OPCML: variants seen among roughly 807,000 people sequenced by gnomAD.
OPCML encodes the protein opioid-binding protein/cell adhesion molecule.
OPCML carries 13 observed loss-of-function variants against 37.8 expected under a neutral mutation model. The ratio of observed to expected loss-of-function variants is 0.34; its 90% confidence interval spans 0.22 to 0.55. The LOEUF (loss-of-function observed/expected upper bound fraction) is 0.55. Ranked by LOEUF, OPCML falls within the 20% of genes least tolerant of loss-of-function variation. The pLI, the probability that OPCML is intolerant of heterozygous loss-of-function variation, is 0.91. For missense variants in OPCML, 341 were observed against 435.6 expected (o/e 0.78, Z 1.93); for synonymous variants, 176 against 168.8 (o/e 1.04, Z -0.33).
intron 1 of OPCML, among the ~76,000 whole-genome samples, chr11:133,487,216 A>C (rs75110576): frequency 0.014 from 2,148 of 152,166 alleles, 56 homozygotes; most frequent in African/African-American, 0.049. Flanking sequence ...TAATATCCAA[A>C]TCTTTTATCA....
At chr11:132,733,237 G>A (rs1945141994) in intron 2 of OPCML, among the ~76,000 whole-genome samples, 1 of 152,052 alleles carries the variant, frequency 6.6e-6, no homozygotes, top group Non-Finnish European at 1.5e-5. Flanking sequence ...AGTCATGGAA[G>A]CCACATGACT....
chr11:132,760,560 C>CT (rs200647564), intron 2 of OPCML, among the ~76,000 whole-genome samples: 5,242 of 126,818 alleles, frequency 0.041, 144 homozygotes, highest in African/African-American at 0.088. Context: ...TAATGCCCTT[C>CT]TTTTTTTTTT....
intron 2 of OPCML, among the ~76,000 whole-genome samples, chr11:132,738,179 C>G (rs544495035): frequency 2.6e-5 from 4 of 152,166 alleles, no homozygotes; most frequent in African/African-American, 9.7e-5. Context: ...AGAAGCTAAG[C>G]GCCTTACCTG....
intron 1 of OPCML, among the ~76,000 whole-genome samples, chr11:133,070,372 G>GC (rs1948506000): frequency 1.3e-5 from 2 of 152,092 alleles, no homozygotes; most frequent in Non-Finnish European, 2.9e-5. Flanking sequence ...AACCCCCTTG[G>GC]CCCTTCTGCT....
chr11:132,435,216 A>G (rs1447409203), intron 7 of OPCML: 2 of 1,289,734 alleles, frequency 1.6e-6, no homozygotes, highest in East Asian at 5.5e-5. Flanking sequence ...TGCACACACA[A>G]TGCAGAGAGA....
chr11:133,450,929 T>A (rs1271878437), intron 1 of OPCML, among the ~76,000 whole-genome samples: 1 of 151,784 alleles, frequency 6.6e-6, no homozygotes, highest in Non-Finnish European at 1.5e-5. Flanking sequence ...AATATCAATA[T>A]GTTGTTCTCT....
intron 4 of OPCML, among the ~76,000 whole-genome samples, chr11:132,506,015 A>G (rs1050319166): frequency 7.2e-5 from 11 of 152,238 alleles, no homozygotes; most frequent in African/African-American, 2.7e-4. Flanking sequence ...ATATCTTCTT[A>G]TCTTCACACA....
At chr11:132,772,072 T>G (rs1168084894) in intron 2 of OPCML, 1 of 152,186 alleles carries the variant, frequency 6.6e-6, no homozygotes, top group Non-Finnish European at 1.5e-5. Context: ...TCTGAAACAC[T>G]GGTTCTTAGG....
chr11:132,425,344 G>A (rs900752781), intron 7 of OPCML, among the ~76,000 whole-genome samples: 2 of 152,162 alleles, frequency 1.3e-5, no homozygotes, highest in Non-Finnish European at 2.9e-5. Flanking sequence ...TTTCATCTCA[G>A]GAACATCCTG....
chr11:133,233,813 G>A (rs1940397312), intron 1 of OPCML, among the ~76,000 whole-genome samples: 1 of 152,070 alleles, frequency 6.6e-6, no homozygotes, highest in Non-Finnish European at 1.5e-5. Context: ...ATCATCCATA[G>A]GCCTTAGCCA....
intron 1 of OPCML, among the ~76,000 whole-genome samples, chr11:133,041,104 C>T (rs1303864744): frequency 6.6e-6 from 1 of 152,126 alleles, no homozygotes; most frequent in African/African-American, 2.4e-5. Flanking sequence ...ACTTAATCCC[C>T]AAGCATTTTT....
At chr11:133,158,713 AAAAT>A (rs763553942) in intron 1 of OPCML, among the ~76,000 whole-genome samples, 1,817 of 33,304 alleles carry the variant, frequency 0.055, 51 homozygotes, top group African/African-American at 0.31. Flanking sequence ...TAAAATTAAA[AAAAT>A]AAAATAAAAT....
chr11:133,293,008 C>G (rs1234547172), intron 1 of OPCML, among the ~76,000 whole-genome samples: 1 of 152,154 alleles, frequency 6.6e-6, no homozygotes, highest in African/African-American at 2.4e-5. Flanking sequence ...GAGTTGCACT[C>G]CCATGGCAAG....
Position 133,208,302 on chromosome 11 carries a change from G to A in OPCML, c.62-265292C>T, listed in dbSNP as rs116091580. On this transcript the variant is annotated intron_variant, in intron 1 of 7. Coordinates refer to ENST00000524381, the MANE Select transcript of OPCML (RefSeq NM_001012393.5). The surrounding 1 kb of genome is among the most constrained non-coding windows in gnomAD (Gnocchi z 8.9). ...TAAATACCAGTGAGTGAATGAATGCGGGACAGAAGCCTACACTACCGTGTG... is the reference window on the plus strand; with the variant it reads ...TAAATACCAGTGAGTGAATGAATGCAGGACAGAAGCCTACACTACCGTGTG... Among the ~76,000 whole-genome samples, 1,396 of 152,188 alleles carry A rather than the reference G, an allele frequency of 9.2e-3. 26 individuals carry two copies. Among genetic ancestry groups the A allele is most frequent in the African/African-American group, 0.031 (1,306 of 41,512 alleles).
chr11:132,852,669 G>A (rs1941864570), intron 2 of OPCML, among the ~76,000 whole-genome samples: 2 of 152,058 alleles, frequency 1.3e-5, no homozygotes, highest in Admixed American at 1.3e-4. Flanking sequence ...CTGTTTGCCT[G>A]TTTCACTTAA....
At chr11:133,349,977 C>G (rs899195621) in intron 1 of OPCML, among the ~76,000 whole-genome samples, 2 of 152,166 alleles carry the variant, frequency 1.3e-5, no homozygotes, top group African/African-American at 4.8e-5. Flanking sequence ...TTCTGCTCAG[C>G]GTTGGAACAG....
chr11:132,968,090 T>C (rs981979157), intron 1 of OPCML, among the ~76,000 whole-genome samples: 5 of 152,232 alleles, frequency 3.3e-5, no homozygotes, highest in African/African-American at 1.2e-4. Context: ...TCGACACATT[T>C]ATCTTGTACA....
intron 2 of OPCML, among the ~76,000 whole-genome samples, chr11:132,736,458 A>G (rs1945263590): frequency 6.6e-6 from 1 of 152,212 alleles, no homozygotes; most frequent in African/African-American, 2.4e-5. Context: ...GTGATGGCCA[A>G]CTTCTAAAAT....
intron 1 of OPCML, among the ~76,000 whole-genome samples, chr11:133,328,395 T>G (rs1028400897): frequency 6.6e-6 from 1 of 152,100 alleles, no homozygotes; most frequent in South Asian, 2.1e-4. Flanking sequence ...TGACCTCAGG[T>G]GATCCACCTG....
Sources: allele counts gnomAD v4.1 joint callset (sites outside exome capture counted in the v4.1 genomes callset), GRCh38; gene constraint gnomAD v4.1.1; non-coding constraint Gnocchi (gnomAD v3.1); transcripts MANE v1.5; gene names NCBI Gene and HGNC (gene_info 2026-07-23, HGNC 2026-07-21).